The following ADGRL3 variants were observed in gnomAD, a reference collection of about 807,000 sequenced individuals.
ADGRL3 encodes the protein adhesion G protein-coupled receptor L3, also known as calcium-independent alpha-latrotoxin receptor 3.
ADGRL3 carries 62 observed loss-of-function variants against 153.5 expected under a neutral mutation model. The observed-to-expected ratio is 0.40, with a 90% CI of 0.33 to 0.50. The LOEUF (loss-of-function observed/expected upper bound fraction) is 0.50. ADGRL3 is among the 20% of genes least tolerant of loss of function. The pLI, the probability that ADGRL3 is intolerant of heterozygous loss-of-function variation, is 0.47. For missense variants in ADGRL3, 1,641 were observed against 1,859.4 expected, an observed-to-expected ratio of 0.88 and a Z score of 2.16; for synonymous variants, 710 against 672.5, an observed-to-expected ratio of 1.06 and a Z score of -0.86.
intron 1 of ADGRL3, among the ~76,000 whole-genome samples, chr4:61,338,520 G>A (rs2095735470): frequency 6.6e-6 from 1 of 152,080 alleles, no homozygotes; most frequent in African/African-American, 2.4e-5. Flanking sequence ...AAGGCTCAGA[G>A]ACCATAGTTT....
rs72640003 is a variant in ADGRL3, at chr4:61,950,877, A to G, written c.2805+2601A>G. 6.2e-3 allele frequency among the ~76,000 whole-genome samples: 948 copies of G among 152,262 alleles called. 4 individuals are homozygous for G. Among genetic ancestry groups the G allele is most frequent in the Non-Finnish European group, 9.3e-3 (635 of 68,022 alleles). ...AGCATGGGGGCTTACAGTGAATTCCATTCTTGGAGCCATGTTTTGTGCCCT... is the reference window on the plus strand; with the variant it reads ...AGCATGGGGGCTTACAGTGAATTCCGTTCTTGGAGCCATGTTTTGTGCCCT... On this transcript the variant is annotated intron_variant, in intron 17 of 26. Transcript: ENST00000683033.
chr4:61,826,519 G>A (rs2097802856), intron 9 of ADGRL3, among the ~76,000 whole-genome samples: 1 of 152,148 alleles, frequency 6.6e-6, no homozygotes, highest in Admixed American at 6.5e-5. Flanking sequence ...TAAGAGGAGA[G>A]AGTAGGGATA....
At chr4:61,297,879 G>A (rs997762374) in intron 1 of ADGRL3, among the ~76,000 whole-genome samples, 7 of 151,782 alleles carry the variant, frequency 4.6e-5, no homozygotes, top group Non-Finnish European at 1.0e-4. Flanking sequence ...TACTACTACT[G>A]ACCACTATTA....
At position 61,548,929 on chromosome 4, in the gene ADGRL3, A is replaced by G. The variant is rs1232374065; in HGVS notation, c.259+31411A>G. Among the ~76,000 whole-genome samples, 4 of 151,992 alleles carry G rather than the reference A, an allele frequency of 2.6e-5. No individual in the cohort carries two copies. The East Asian group carries it at 7.7e-4, about 29-fold the overall frequency. On this transcript the variant is annotated intron_variant, in intron 4 of 26. Coordinates refer to ENST00000683033, the MANE Select transcript of ADGRL3 (RefSeq NM_001387552.1). ...TTGAATCTGTACATTGATTTGGGCAATATGGGTGTTTTAACAATATTGACT... is the reference window on the plus strand; with the variant it reads ...TTGAATCTGTACATTGATTTGGGCAGTATGGGTGTTTTAACAATATTGACT...
intron 2 of ADGRL3, among the ~76,000 whole-genome samples, chr4:61,417,477 G>T (rs1188423696): frequency 1.3e-5 from 2 of 151,164 alleles, no homozygotes; most frequent in East Asian, 3.9e-4. Flanking sequence ...GACAGAGCCA[G>T]ACTCTGTCTC....
chr4:61,445,246 T>C (rs1334547303), intron 2 of ADGRL3, among the ~76,000 whole-genome samples: 1 of 152,074 alleles, frequency 6.6e-6, no homozygotes, highest in African/African-American at 2.4e-5. Flanking sequence ...CCGCAAAGAA[T>C]TGTGAAGTTA....
chr4:61,511,584 G>A (rs564224829), intron 3 of ADGRL3, among the ~76,000 whole-genome samples: 1 of 152,144 alleles, frequency 6.6e-6, no homozygotes, highest in South Asian at 2.1e-4. Flanking sequence ...TATTGTAACA[G>A]TTATGTTTTG....
rs959493658 is a variant in ADGRL3, at chr4:61,508,040, T to G, written c.56-9275T>G. 7.2e-5 allele frequency among the ~76,000 whole-genome samples: 11 copies of G among 152,272 alleles called. No homozygotes were observed. The Middle Eastern group carries it at 0.017, about 235-fold the overall frequency. Reference sequence around the variant, plus strand: ...CATTATGTTTACAAGGAGGCTGGTGTTTGGAAAATCTTACTATTAGTTATC... The same window carrying G: ...CATTATGTTTACAAGGAGGCTGGTGGTTGGAAAATCTTACTATTAGTTATC... On this transcript the variant is annotated intron_variant, in intron 3 of 26. Transcript: ENST00000683033.
At chr4:61,884,530 T>C (rs931440011) in intron 9 of ADGRL3, among the ~76,000 whole-genome samples, 3 of 152,164 alleles carry the variant, frequency 2.0e-5, no homozygotes, top group African/African-American at 7.2e-5. Context: ...ACTTAGGGGA[T>C]TTAAACTGCC....
At position 61,538,251 on chromosome 4, in the gene ADGRL3, G is replaced by T. The variant is rs144391311; in HGVS notation, c.259+20733G>T. 1.6e-4 allele frequency among the ~76,000 whole-genome samples: 23 copies of T among 145,656 alleles called. No homozygotes were observed. In the East Asian group the frequency reaches 4.7e-3, roughly 30 times the overall value. On this transcript the variant is annotated intron_variant, in intron 4 of 26. Transcript: ENST00000683033. ...TTCAGGGGGCTAAGACTCGTTGTGT[G>T]CTTCTTTGTTGTGAATAGCTATTGT...
In ADGRL3 at chr4:61,456,422, T is replaced by G. The variant is rs1474378871; in HGVS notation, c.-173-40699T>G. On this transcript the variant is annotated intron_variant, in intron 2 of 26. Transcript: ENST00000683033. ...CTATATCTATATATATATAGATATA[T>G]CTATATCTATATATATAGATATATC... Among the ~76,000 whole-genome samples the G allele has an allele frequency of 1.7e-3, 102 of 59,850 alleles. 4 individuals carry two copies. Among genetic ancestry groups the G allele is most frequent in the African/African-American group, 4.4e-3 (96 of 21,974 alleles). The allele number at this position is 59,850 out of a possible 152,430, so 39.3% of individuals were successfully genotyped here.
intron 9 of ADGRL3, among the ~76,000 whole-genome samples, chr4:61,867,036 C>A (rs1440554029): frequency 6.6e-6 from 1 of 152,068 alleles, no homozygotes; most frequent in Admixed American, 6.5e-5. Flanking sequence ...ATGGAAAATT[C>A]ATATGTACTT....
chr4:61,360,951 T>C (rs2096273362), intron 1 of ADGRL3, among the ~76,000 whole-genome samples: 1 of 152,026 alleles, frequency 6.6e-6, no homozygotes, highest in East Asian at 1.9e-4. Context: ...TAGATACTAC[T>C]ATTATGTTTG....
chr4:62,038,624 C>CA (rs970658079), intron 24 of ADGRL3, among the ~76,000 whole-genome samples: 27 of 152,056 alleles, frequency 1.8e-4, no homozygotes, highest in African/African-American at 2.2e-4. Flanking sequence ...TTTTTTGAGA[C>CA]AGAGTCTCAC....
chr4:61,913,897 A>G (rs1292572005), intron 13 of ADGRL3, among the ~76,000 whole-genome samples: 1 of 152,000 alleles, frequency 6.6e-6, no homozygotes, highest in Non-Finnish European at 1.5e-5. Flanking sequence ...TGTGCCAGCT[A>G]TAATCATTTG....
chr4:61,825,161 A>C (rs140848670), intron 9 of ADGRL3, among the ~76,000 whole-genome samples: 2 of 152,292 alleles, frequency 1.3e-5, no homozygotes, highest in African/African-American at 4.8e-5. Context: ...TGGCATCAGA[A>C]CATCCTAGGT....
In ADGRL3 at chr4:62,013,249, A is replaced by T. The variant is rs374740314; in HGVS notation, c.3395+14984A>T. Among the ~76,000 whole-genome samples the T allele has an allele frequency of 1.4e-4, 21 of 152,176 alleles. No individual in the cohort carries two copies. The South Asian group carries it at 4.4e-3, about 32-fold the overall frequency. On this transcript the variant is annotated intron_variant, in intron 21 of 26. Transcript: ENST00000683033. ...ATTGCCATTAGAAATTTGTTGTTAT[A>T]GGCTGGGCACCGCAGTGGCTCACGC...
Position 61,873,430 on chromosome 4 carries a change from C to T in ADGRL3, c.1481-19226C>T, listed in dbSNP as rs187452369. On this transcript the variant is annotated intron_variant, in intron 9 of 26. Transcript: ENST00000683033. ...GCATTAGTTTCCTGATATGTTGTTA[C>T]GCATGTTCTCCTTAAGTAAAATAGC... is the stretch of plus-strand genomic sequence containing the variant. Among the ~76,000 whole-genome samples the T allele has an allele frequency of 5.3e-5, 8 of 152,210 alleles. No homozygotes were observed. The East Asian group carries it at 9.6e-4, about 18-fold the overall frequency.
At chr4:61,382,237 G>C (rs913415894) in intron 1 of ADGRL3, among the ~76,000 whole-genome samples, 2 of 151,178 alleles carry the variant, frequency 1.3e-5, no homozygotes, top group African/African-American at 4.9e-5. Context: ...AACACTAATA[G>C]CATAAATAAA....
Sources: allele counts gnomAD v4.1 joint callset (sites outside exome capture counted in the v4.1 genomes callset), GRCh38; gene constraint gnomAD v4.1.1; transcripts MANE v1.5; gene names NCBI Gene and HGNC (gene_info 2026-07-23, HGNC 2026-07-21).